The following PTPA variants were observed in gnomAD, a reference collection of about 807,000 sequenced individuals.
The protein encoded by PTPA is serine/threonine-protein phosphatase 2A activator.
In PTPA, 13 loss-of-function variants were observed where a neutral mutation model predicts 43.6. The ratio of observed to expected loss-of-function variants is 0.30; its 90% CI spans 0.19 to 0.47. PTPA has a LOEUF of 0.47. PTPA is among the 20% of genes least tolerant of loss of function. The pLI is 0.99. For missense variants in PTPA, 329 were observed against 411.9 expected, an observed-to-expected ratio of 0.80 and a Z score of 1.74; for synonymous variants, 172 against 158.2, an observed-to-expected ratio of 1.09 and a Z score of -0.66.
chr9:129,141,521 G>A (rs1239339237), intron 8 of PTPA: 1 of 152,240 alleles, frequency 6.6e-6, no homozygotes, highest in Non-Finnish European at 1.5e-5. Context: ...TGAACTGCTT[G>A]GTTAATAAAT....
chr9:129,126,154 GA>G (rs1012996625), intron 3 of PTPA, among the ~76,000 whole-genome samples: 23 of 147,340 alleles, frequency 1.6e-4, no homozygotes, highest in South Asian at 1.1e-3. Flanking sequence ...GTCTCAAAAA[GA>G]AAAAAAAAAC....
In PTPA at chr9:129,144,728, GACTCTCTC is replaced by G. The variant is rs1346608816; in HGVS notation, c.894+2178_894+2185del. 1.6e-4 allele frequency among the ~76,000 whole-genome samples: 15 copies of G among 96,066 alleles called. No homozygotes were observed. The South Asian group carries it at 5.3e-3, about 34-fold the overall frequency. The allele number at this position is 96,066 out of a possible 152,430, so 63.0% of individuals were successfully genotyped here. ...CACTCCAGCCTGGGCGACAGAGCGAGACTCTCTCAAAAAAAAAAAAAAAAAAAGATCAC... is the reference window on the plus strand; with the variant it reads ...CACTCCAGCCTGGGCGACAGAGCGAGAAAAAAAAAAAAAAAAAAAGATCAC... On this transcript the variant is annotated intron_variant, in intron 9 of 9. Transcript: ENST00000393370.
upstream of PTPA, chr9:129,110,966 G>A: frequency 2.2e-6 from 3 of 1,369,266 alleles, no homozygotes; most frequent in South Asian, 1.1e-5. This position sits in a 1 kb window ranked among gnomAD's most constrained non-coding sequence, Gnocchi z 5.3. Context: ...ACCTGTGGAG[G>A]AGGAAGGAGG....
rs753078888 is a variant in PTPA at position 129,123,136 on chromosome 9, G to A, written c.214G>A (p.Glu72Lys). The change falls in exon 3 of 10, where the codon GAG becomes AAG. Residue 72 changes from glutamate to lysine, a missense_variant and splice_region_variant. Physicochemically the swap from Glu to Lys is moderately conservative, Grantham distance 56. Transcript: ENST00000393370. ...KKLTFEYRVS[E>K]AIEKLVALLN... ...GCTGACCTTCGAGTACAGAGTCTCC[G>A]AGGTAGGCCCAAGGAGGAGCTGCTG... The A allele has an allele frequency of 3.7e-6, 6 of 1,605,338 alleles. No homozygotes were observed. Among genetic ancestry groups the A allele is most frequent in the African/African-American group, 2.7e-5 (2 of 74,710 alleles).
At position 129,147,523 on chromosome 9, in the gene PTPA, C is replaced by T. The variant is rs1185141801; in HGVS notation, c.*59C>T. The T allele has an allele frequency of 2.0e-6, 3 of 1,522,154 alleles. No individual in the cohort carries two copies. The highest frequency in any genetic ancestry group is 1.4e-5 in the African/African-American group (1 of 72,954). The allele number at this position is 1,522,154 out of a possible 1,614,324, so 94.3% of individuals were successfully genotyped here. ...GTTCCTGTGCCTGCCTTCCCCACCC[C>T]AGCAGTGGCCCCTCCCCATCCCCTC... On this transcript the variant is annotated 3_prime_UTR_variant, in exon 10 of 10. Coordinates refer to ENST00000393370, the MANE Select transcript of PTPA (RefSeq NM_178000.3).
chr9:129,130,375 G>A (rs1441265473), intron 4 of PTPA, among the ~76,000 whole-genome samples: 2 of 151,924 alleles, frequency 1.3e-5, no homozygotes, highest in Non-Finnish European at 2.9e-5. Context: ...AGAGACGCCC[G>A]GGCCTGCCTC....
intron 3 of PTPA, 60 bp from the exon 4 acceptor site, chr9:129,128,925 C>CTGTGGCTA: frequency 6.2e-7 from 1 of 1,600,876 alleles, no homozygotes; most frequent in Non-Finnish European, 8.5e-7. Flanking sequence ...GGACTTCCCT[C>CTGTGGCTA]TGTGGCTAAG....
At chr9:129,142,832 G>T (rs1850984762) in intron 9 of PTPA, 2 of 1,532,510 alleles carry the variant, frequency 1.3e-6, no homozygotes, top group South Asian at 2.4e-5. Context: ...CATGGGGAGT[G>T]GGGGCGATGG....
intron 2 of PTPA, among the ~76,000 whole-genome samples, chr9:129,121,184 T>G (rs1270963826): frequency 6.6e-6 from 1 of 152,136 alleles, no homozygotes; most frequent in Non-Finnish European, 1.5e-5. Flanking sequence ...GAAAGCCAAT[T>G]TCAATTTCTC....
chr9:129,126,510 C>T (rs920619238), intron 3 of PTPA, among the ~76,000 whole-genome samples: 5 of 152,070 alleles, frequency 3.3e-5, no homozygotes, highest in East Asian at 1.9e-4. Context: ...GATGCCTGTC[C>T]TCCTCTTATG....
intron 6 of PTPA, 89 bp from the exon 7 acceptor site, chr9:129,136,382 T>C: frequency 7.2e-7 from 1 of 1,396,132 alleles, no homozygotes; most frequent in East Asian, 2.4e-5. Flanking sequence ...AGTGGTTATT[T>C]TGGGGTCTCC....
chr9:129,136,338 A>T, intron 6 of PTPA, 133 bp from the exon 7 acceptor site: 1 of 1,022,596 alleles, frequency 9.8e-7, no homozygotes, highest in Non-Finnish European at 1.4e-6. Flanking sequence ...AAATAAAGCT[A>T]CATTATTGAA....
chr9:129,121,843 G>A (rs551748292), intron 2 of PTPA, among the ~76,000 whole-genome samples: 8 of 152,322 alleles, frequency 5.3e-5, no homozygotes, highest in Admixed American at 4.6e-4. Flanking sequence ...AGTCAGGACA[G>A]GGGCTCAGAC....
chr9:129,111,384 C>T, upstream of PTPA: 1 of 1,233,838 alleles, frequency 8.1e-7, no homozygotes, highest in Non-Finnish European at 1.0e-6. Flanking sequence ...GCGCGCCGGC[C>T]GTTAATAGGC....
chr9:129,124,066 A>G (rs564301998), intron 3 of PTPA, among the ~76,000 whole-genome samples: 1 of 152,218 alleles, frequency 6.6e-6, no homozygotes, highest in Non-Finnish European at 1.5e-5. Flanking sequence ...AGACATGTGT[A>G]TGACATTCAC....
chr9:129,142,322 T>C, intron 8 of PTPA, 123 bp from the exon 9 acceptor site: 2 of 856,772 alleles, frequency 2.3e-6, no homozygotes, highest in Non-Finnish European at 3.5e-6. Flanking sequence ...TGCGCGTGCA[T>C]TGTGTGCGTG....
chr9:129,141,271 GCT>G (rs986933491), intron 8 of PTPA, among the ~76,000 whole-genome samples: 7 of 152,174 alleles, frequency 4.6e-5, no homozygotes, highest in African/African-American at 1.7e-4. Context: ...GCTCCTGAGG[GCT>G]CTTGTGGTGA....
At chr9:129,131,769 G>A in intron 5 of PTPA, 130 bp downstream of exon 5, 1 of 876,130 alleles carries the variant, frequency 1.1e-6, no homozygotes. Flanking sequence ...CAACCTATTG[G>A]GGCCAGCTGG....
In PTPA at chr9:129,148,204, C is replaced by T. The variant is rs2131643739; in HGVS notation, c.*740C>T. ...GGGTAACCTAGCCAATGGAAGCTGC[C>T]CTTTGGGTAGGTGCTGGGCTCCTGG... On this transcript the variant is annotated 3_prime_UTR_variant, in exon 10 of 10. Coordinates refer to ENST00000393370, the MANE Select transcript of PTPA (RefSeq NM_178000.3). 6.6e-6 allele frequency: 1 copy of T among 152,468 alleles called. No individual in the cohort carries two copies. Among genetic ancestry groups the T allele is most frequent in the Admixed American group, 6.5e-5 (1 of 15,312 alleles). 9.4% of individuals were successfully genotyped at this position (152,468 alleles called of 1,614,324 possible).
Sources: gnomAD v4.1 joint callset for allele counts (sites outside exome capture counted in the v4.1 genomes callset) on GRCh38, gnomAD v4.1.1 for gene constraint, Gnocchi (gnomAD v3.1) non-coding constraint, MANE v1.5 for transcripts, NCBI Gene and HGNC (gene_info 2026-07-23, HGNC 2026-07-21) for gene names.